Variants in DHX37 observed in about 807,000 individuals in gnomAD.
The protein encoded by DHX37 is probable ATP-dependent RNA helicase DHX37.
Under a neutral mutation model 134.3 loss-of-function variants are expected in DHX37, and 52 were observed. The observed-to-expected ratio is 0.39, with a 90% CI of 0.31 to 0.49. The LOEUF is 0.49. Ranked by LOEUF, DHX37 falls within the 20% of genes least tolerant of loss-of-function variation. DHX37 has a pLI of 0.93. For synonymous variants in DHX37, 634 were observed against 670.7 expected (o/e 0.95, Z 0.85); for missense variants, 1,344 against 1,580.8 (o/e 0.85, Z 2.54).
Position 124,967,206 on chromosome 12 carries a change from A to G in DHX37, c.1421T>C (p.Val474Ala), listed in dbSNP as rs1197363065. 2.5e-6 allele frequency: 4 copies of G among 1,613,750 alleles called. No individual in the cohort carries two copies. In the African/African-American group the frequency reaches 5.3e-5, roughly 22 times the overall value. The change falls in exon 11 of 27, where the codon GTG becomes GCG. Residue 474 changes from valine to alanine, a missense_variant. By Grantham distance (64) the Val-to-Ala change is moderately conservative. Around this residue, in one of 7 missense-constraint regions of DHX37, gnomAD observed 289 missense variants for 323.8 expected, o/e 0.89. Transcript: ENST00000308736. ...HRMLPAGGIL[V>A]FLTGQAEVHA... ...CACCTCAGCCTGCCCCGTCAGGAAC[A>G]CCAGGATGCCACCTGTGGAAAGAAT...
At chr12:124,958,006 G>A (rs778800254) in intron 16 of DHX37, among the ~76,000 whole-genome samples, 5 of 152,336 alleles carry the variant, frequency 3.3e-5, no homozygotes, top group East Asian at 1.9e-4. Context: ...CAAAGGCCAC[G>A]CATTGTAGGA....
At chr12:124,985,959 G>GGACCA in intron 2 of DHX37, 137 bp downstream of exon 2, 1 of 1,046,878 alleles carries the variant, frequency 9.6e-7, no homozygotes, top group South Asian at 1.6e-5. Context: ...CTACCGCACT[G>GGACCA]GACCATGCAC....
intron 25 of DHX37, 143 bp from the exon 26 acceptor site, chr12:124,948,324 C>T: frequency 2.2e-6 from 3 of 1,394,220 alleles, no homozygotes; most frequent in Non-Finnish European, 2.8e-6. Context: ...GTGACATGCA[C>T]CTGTAGCCCC....
chr12:124,969,062 C>A, intron 8 of DHX37, 94 bp from the exon 9 acceptor site: 2 of 1,221,440 alleles, frequency 1.6e-6, no homozygotes, highest in Non-Finnish European at 2.3e-6. Context: ...CTGCCCACCC[C>A]GTTTCCAGCC....
chr12:124,974,108 T>C (rs1954579156), intron 6 of DHX37, among the ~76,000 whole-genome samples: 1 of 151,838 alleles, frequency 6.6e-6, no homozygotes. Context: ...CACCCGCCAC[T>C]GCGCACGGCT....
At chr12:124,958,623 TC>T (rs1312121409) in intron 16 of DHX37, among the ~76,000 whole-genome samples, 1 of 151,666 alleles carries the variant, frequency 6.6e-6, no homozygotes, top group Non-Finnish European at 1.5e-5. Context: ...CATCCATGAT[TC>T]TTTTTTTTCT....
At position 124,950,146 on chromosome 12, in the gene DHX37, T is replaced by C. The variant is rs374129932; in HGVS notation, c.3216+3A>G. The C allele has an allele frequency of 1.4e-4, 232 of 1,614,030 alleles. No homozygotes were observed. The highest frequency in any genetic ancestry group is 1.3e-3 in the Middle Eastern group (8 of 6,062). On this transcript the variant is annotated splice_donor_region_variant and intron_variant, in intron 24 of 26. Coordinates refer to ENST00000308736, the MANE Select transcript of DHX37 (RefSeq NM_032656.4). Reference sequence around the variant, plus strand: ...GAGGGTCTGGAGCCGCTGTGCCACCTACCTGCCCTTCCAGCAGGAACCGGG... The same window carrying C: ...GAGGGTCTGGAGCCGCTGTGCCACCCACCTGCCCTTCCAGCAGGAACCGGG...
At chr12:124,947,985 C>A (rs1953906116) in intron 26 of DHX37, 98 bp from the exon 27 acceptor site, 1 of 1,612,990 alleles carries the variant, frequency 6.2e-7, no homozygotes. Context: ...GGGCCAGATC[C>A]TTCTGCCAAG....
chr12:124,986,160 G>C lies in DHX37; in HGVS notation c.212C>G (p.Pro71Arg), dbSNP rs1170590098. ...APPLSKKEKKPLTKKEKKVLQ... is the reference protein window; with the variant it reads ...APPLSKKEKKRLTKKEKKVLQ... ...CACTTTCTTCTCCTTCTTGGTCAGA[G>C]GCTTCTTCTCCTTCTTCGACAGGGG... Residue 71 changes from proline to arginine, a missense_variant, in exon 2 of 27, where the codon CCT (proline) becomes CGT (arginine). Transcript: ENST00000308736. The C allele has an allele frequency of 3.7e-6, 6 of 1,614,030 alleles. No individual in the cohort carries two copies. Among genetic ancestry groups the C allele is most frequent in the Non-Finnish European group, 5.1e-6 (6 of 1,180,032 alleles).
At chr12:124,969,633 G>A (rs1954474846) in intron 8 of DHX37, among the ~76,000 whole-genome samples, 1 of 152,042 alleles carries the variant, frequency 6.6e-6, no homozygotes, top group African/African-American at 2.4e-5. Flanking sequence ...ACAGTGAGGT[G>A]TCACTGTCCA....
At chr12:124,957,580 G>A (rs1422184042) in intron 16 of DHX37, among the ~76,000 whole-genome samples, 1 of 152,172 alleles carries the variant, frequency 6.6e-6, no homozygotes, top group Admixed American at 6.5e-5. Flanking sequence ...GAGGTCAGGA[G>A]TTCGAGACCA....
In DHX37 at chr12:124,968,663, G is replaced by C; in HGVS notation, c.1294-15C>G. On this transcript the variant is annotated splice_polypyrimidine_tract_variant and intron_variant, in intron 9 of 26. Coordinates refer to ENST00000308736, the MANE Select transcript of DHX37 (RefSeq NM_032656.4). ...CTGGATTCCACCTGTGGGACGCCCA[G>C]GAAGGCATGGGGAGTGGGGGGGACA... 6.2e-7 allele frequency: 1 copy of C among 1,613,420 alleles called. No homozygotes were observed. The highest frequency in any genetic ancestry group is 8.5e-7 in the Non-Finnish European group (1 of 1,180,030).
rs374657589 is a variant in DHX37, at chr12:124,949,509, T to C, written c.3290+477A>G. Among the ~76,000 whole-genome samples the C allele has an allele frequency of 6.6e-6, 1 of 152,268 alleles. No individual in the cohort carries two copies. The highest frequency in any genetic ancestry group is 2.4e-5 in the African/African-American group (1 of 41,576). The stretch of plus-strand genomic sequence containing the variant: ...AGTCCCCAGGGCCAGGAGGGCAGGA[T>C]GCCTCCCACTGACACCTGGCGGCTC... On this transcript the variant is annotated intron_variant, in intron 25 of 26. Coordinates refer to ENST00000308736, the MANE Select transcript of DHX37 (RefSeq NM_032656.4). This position sits in a 1 kb window ranked among gnomAD's most constrained non-coding sequence, Gnocchi z 4.0.
chr12:124,971,187 G>A (rs900054287), intron 8 of DHX37, 115 bp downstream of exon 8: 62 of 1,475,860 alleles, frequency 4.2e-5, no homozygotes, highest in Non-Finnish European at 5.3e-5. Context: ...CGGGGTACCT[G>A]CTCATGGCAG....
At chr12:124,970,583 GC>G (rs1954496762) in intron 8 of DHX37, among the ~76,000 whole-genome samples, 5 of 152,118 alleles carry the variant, frequency 3.3e-5, no homozygotes, top group African/African-American at 4.8e-5. Context: ...GCCCTCACTA[GC>G]CCTGTGTCCT....
At chr12:124,987,934 G>C (rs1313975580) in intron 1 of DHX37, among the ~76,000 whole-genome samples, 1 of 150,922 alleles carries the variant, frequency 6.6e-6, no homozygotes, top group Non-Finnish European at 1.5e-5. Context: ...ATGTGAAAAC[G>C]AAGGCACAGA....
intron 1 of DHX37, among the ~76,000 whole-genome samples, chr12:124,987,089 C>T (rs753072273): frequency 3.3e-5 from 5 of 152,104 alleles, no homozygotes; most frequent in Non-Finnish European, 7.4e-5. Flanking sequence ...GGCGCGGTGG[C>T]GCACGCCTGC....
chr12:124,957,803 C>T (rs114780883), intron 16 of DHX37, among the ~76,000 whole-genome samples: 11,241 of 133,712 alleles, frequency 0.084, 1,367 homozygotes, highest in African/African-American at 0.35. Flanking sequence ...GTAATAATAA[C>T]GTGAATAAAT....
chr12:124,976,880 C>T (rs1026059575), intron 5 of DHX37, among the ~76,000 whole-genome samples: 6 of 147,004 alleles, frequency 4.1e-5, no homozygotes, highest in African/African-American at 1.5e-4. Flanking sequence ...AACCCTGTCT[C>T]TACTAAAAAT....
Sources: gnomAD v4.1 joint callset for allele counts (sites outside exome capture counted in the v4.1 genomes callset) on GRCh38, gnomAD v4.1.1 for gene constraint, gnomAD v4.1.1 regional missense constraint, Gnocchi (gnomAD v3.1) non-coding constraint, MANE v1.5 for transcripts, NCBI Gene and HGNC (gene_info 2026-07-23, HGNC 2026-07-21) for gene names.